Variants in LMX1A observed in about 807,000 individuals in gnomAD.
LMX1A encodes the protein LIM homeobox transcription factor 1 alpha, also known as LIM homeobox transcription factor 1-alpha.
In LMX1A, 15 loss-of-function variants were observed where a neutral mutation model predicts 49.1. That is an observed-to-expected ratio of 0.31 (90% confidence interval 0.20 to 0.47). The LOEUF (loss-of-function observed/expected upper bound fraction) is 0.47, where lower values mean the gene tolerates loss of function less well. Among genes scored for constraint, LMX1A ranks in the 20% least tolerant of loss-of-function variants. The pLI is 1.00. For synonymous variants in LMX1A, 167 were observed against 185.7 expected, an observed-to-expected ratio of 0.90 and a Z score of 0.82; for missense variants, 372 against 475.8, an observed-to-expected ratio of 0.78 and a Z score of 2.03.
intron 3 of LMX1A, among the ~76,000 whole-genome samples, chr1:165,305,061 C>G (rs1441610386): frequency 6.6e-6 from 1 of 152,146 alleles, no homozygotes; most frequent in Non-Finnish European, 1.5e-5. Context: ...AGAGAGTGCC[C>G]CCTCCCTGAG....
intron 3 of LMX1A, among the ~76,000 whole-genome samples, chr1:165,329,088 T>C (rs188650229): frequency 1.2e-4 from 19 of 152,308 alleles, no homozygotes; most frequent in Non-Finnish European, 2.6e-4. Context: ...TCTGCATGGC[T>C]GGGGAGGCCT....
At chr1:165,279,877 G>A (rs1033397522) in intron 3 of LMX1A, among the ~76,000 whole-genome samples, 1 of 151,838 alleles carries the variant, frequency 6.6e-6, no homozygotes. Flanking sequence ...TCCATCTCGT[G>A]GTCCCCCTCT....
chr1:165,319,960 G>A (rs574814507), intron 3 of LMX1A, among the ~76,000 whole-genome samples: 2 of 152,032 alleles, frequency 1.3e-5, no homozygotes, highest in African/African-American at 2.4e-5. Context: ...GCTTTGTCAG[G>A]GTTATAGTTC....
chr1:165,269,527 A>G (rs1390514165), intron 3 of LMX1A, among the ~76,000 whole-genome samples: 1 of 152,238 alleles, frequency 6.6e-6, no homozygotes, highest in Non-Finnish European at 1.5e-5. Context: ...CATTTGACCC[A>G]GCAATCCCAT....
intron 4 of LMX1A, among the ~76,000 whole-genome samples, chr1:165,245,261 T>C (rs1652807209): frequency 6.6e-6 from 1 of 151,980 alleles, no homozygotes; most frequent in Non-Finnish European, 1.5e-5. Context: ...CCTTCCTCCC[T>C]CTAGAATCCT....
At chr1:165,306,227 T>C (rs1235988009) in intron 3 of LMX1A, among the ~76,000 whole-genome samples, 1 of 152,236 alleles carries the variant, frequency 6.6e-6, no homozygotes, top group Non-Finnish European at 1.5e-5. Flanking sequence ...CCTTGTGTGA[T>C]ATTTTAGATT....
intron 3 of LMX1A, among the ~76,000 whole-genome samples, chr1:165,294,975 A>G (rs1012012563): frequency 3.3e-5 from 5 of 152,230 alleles, no homozygotes; most frequent in African/African-American, 7.2e-5. Flanking sequence ...AAAGAAAAAA[A>G]AAATCACACG....
chr1:165,248,106 T>C (rs1356119699), intron 4 of LMX1A, among the ~76,000 whole-genome samples: 1 of 152,160 alleles, frequency 6.6e-6, no homozygotes, highest in East Asian at 1.9e-4. Context: ...AATATCCCAG[T>C]AGGAGAAGTT....
chr1:165,352,326 T>C (rs1291430423), intron 3 of LMX1A, among the ~76,000 whole-genome samples: 1 of 152,222 alleles, frequency 6.6e-6, no homozygotes. Context: ...AGGAGGGAAC[T>C]GAACTTGCTC....
chr1:165,328,579 A>G (rs1360464266), intron 3 of LMX1A, among the ~76,000 whole-genome samples: 1 of 152,176 alleles, frequency 6.6e-6, no homozygotes, highest in Non-Finnish European at 1.5e-5. Context: ...ATCCTGCTGG[A>G]GGCACAGCAG....
At chr1:165,313,471 C>CTTTTTTTTTTTTTTTTTT (rs34912339) in intron 3 of LMX1A, among the ~76,000 whole-genome samples, 113 of 114,716 alleles carry the variant, frequency 9.9e-4, no homozygotes, top group African/African-American at 1.1e-3. Flanking sequence ...CACCTTCTTC[C>CTTTTTTTTTTTTTTTTTT]TTTTTTTTTT....
chr1:165,276,629 T>C (rs558110683), intron 3 of LMX1A, among the ~76,000 whole-genome samples: 1 of 150,802 alleles, frequency 6.6e-6, no homozygotes, highest in East Asian at 1.9e-4. Flanking sequence ...GACAGTGCTA[T>C]ACTACATGAT....
At chr1:165,318,381 C>T (rs1243766446) in intron 3 of LMX1A, among the ~76,000 whole-genome samples, 1 of 152,196 alleles carries the variant, frequency 6.6e-6, no homozygotes, top group East Asian at 1.9e-4. Context: ...GGAGAGGTGA[C>T]TTGTTCATGT....
At chr1:165,299,109 T>C (rs1654704350) in intron 3 of LMX1A, among the ~76,000 whole-genome samples, 1 of 152,230 alleles carries the variant, frequency 6.6e-6, no homozygotes, top group African/African-American at 2.4e-5. Context: ...AAACCCAGCA[T>C]CCTTCTGGTA....
At chr1:165,245,714 A>G (rs959321616) in intron 4 of LMX1A, among the ~76,000 whole-genome samples, 6 of 151,940 alleles carry the variant, frequency 3.9e-5, no homozygotes, top group Non-Finnish European at 7.4e-5. Context: ...TTTGGCTCCT[A>G]TTGGATTTAT....
chr1:165,292,907 A>G (rs993227179), intron 3 of LMX1A, among the ~76,000 whole-genome samples: 4 of 152,262 alleles, frequency 2.6e-5, no homozygotes, highest in Middle Eastern at 3.4e-3. Flanking sequence ...TCACGAGGTC[A>G]GGAGATTGAG....
chr1:165,211,879 C>A (rs58496324), intron 5 of LMX1A, among the ~76,000 whole-genome samples: 2,205 of 152,244 alleles, frequency 0.014, 58 homozygotes, highest in East Asian at 0.11. Context: ...CCTCAGAGCC[C>A]CCTCTCTGGT....
intron 3 of LMX1A, among the ~76,000 whole-genome samples, chr1:165,313,585 G>T (rs1465216380): frequency 6.6e-6 from 1 of 151,100 alleles, no homozygotes; most frequent in Non-Finnish European, 1.5e-5. Context: ...ACAAAAAATG[G>T]TATGGAATCC....
At chr1:165,273,202 C>T (rs1274929684) in intron 3 of LMX1A, among the ~76,000 whole-genome samples, 1 of 152,178 alleles carries the variant, frequency 6.6e-6, no homozygotes, top group African/African-American at 2.4e-5. Context: ...TGAGCAACCA[C>T]TTGGAGAAGG....
Sources: gnomAD v4.1 joint callset for allele counts (sites outside exome capture counted in the v4.1 genomes callset) on GRCh38, gnomAD v4.1.1 for gene constraint, MANE v1.5 for transcripts, NCBI Gene and HGNC (gene_info 2026-07-23, HGNC 2026-07-21) for gene names.